Variants in DAG1 observed in about 807,000 individuals in gnomAD.
DAG1 encodes the protein dystroglycan 1 (dystrophin-associated glycoprotein 1).
A neutral mutation model predicts 46.1 loss-of-function variants in DAG1; 8 were observed. The ratio of observed to expected loss-of-function variants is 0.17; its 90% CI spans 0.10 to 0.31. The LOEUF (loss-of-function observed/expected upper bound fraction) is 0.31, where lower values mean the gene tolerates loss of function less well. Among genes scored for constraint, DAG1 ranks in the 10% least tolerant of loss-of-function variants. DAG1 has a pLI of 1.00. For missense variants in DAG1, 1,003 were observed against 1,189.9 expected (o/e 0.84, Z 2.31); for synonymous variants, 495 against 481.8 (o/e 1.03, Z -0.36).
Position 49,532,942 on chromosome 3 carries a change from C to T in DAG1, c.2431C>T (p.Pro811Ser), listed in dbSNP as rs368597067. Residue 811 changes from proline to serine, a missense_variant, in exon 3 of 3, where the codon CCC (proline) becomes TCC (serine). By Grantham distance (74) the Pro-to-Ser change is moderately conservative (BLOSUM62 -1). Around this residue, in one of 3 missense-constraint regions of DAG1, gnomAD observed 755 missense variants for 854.1 expected, o/e 0.88. Coordinates refer to ENST00000308775, the MANE Select transcript of DAG1 (RefSeq NM_004393.6). The surrounding 1 kb of genome is among the most constrained non-coding windows in gnomAD (Gnocchi z 5.4). ...CGAACTGGACGACTCCAAGCCCCCACCCTCCTCCAGCATGCCACTCATTCT... is the reference window on the plus strand; with the variant it reads ...CGAACTGGACGACTCCAAGCCCCCATCCTCCTCCAGCATGCCACTCATTCT... ...ADELDDSKPPPSSSMPLILQE... is the reference protein window; with the variant it reads ...ADELDDSKPPSSSSMPLILQE... 71 of 1,614,014 alleles carry T rather than the reference C, an allele frequency of 4.4e-5. No individual in the cohort carries two copies. Among genetic ancestry groups the T allele is most frequent in the Admixed American group, 2.2e-4 (13 of 60,010 alleles).
chr3:49,474,266 G>A (rs1370446590), intron 1 of DAG1, among the ~76,000 whole-genome samples: 1 of 152,030 alleles, frequency 6.6e-6, no homozygotes, highest in East Asian at 1.9e-4. Flanking sequence ...ATGTTAGCCA[G>A]GGTGGTCTCC....
intron 1 of DAG1, among the ~76,000 whole-genome samples, chr3:49,490,793 C>G (rs1320187437): frequency 6.6e-6 from 1 of 151,262 alleles, no homozygotes; most frequent in Non-Finnish European, 1.5e-5. Context: ...TGGTCTCAAA[C>G]TCATCAGTGC....
At chr3:49,516,819 G>A (rs554858219) in intron 2 of DAG1, among the ~76,000 whole-genome samples, 21 of 152,226 alleles carry the variant, frequency 1.4e-4, no homozygotes, top group Non-Finnish European at 2.8e-4. Flanking sequence ...TGGGGGTTCA[G>A]ATCTGGGTGC....
upstream of DAG1, chr3:49,470,120 AGCGGCCGACGCAGGCAGAAGCCGGCGGC>A (rs1440353529): frequency 4.6e-5 from 7 of 151,238 alleles, no homozygotes; most frequent in South Asian, 1.5e-3. Flanking sequence ...CGCGCTGCGG[AGCGGCCGACGCAGGCAGAAGCCGGCGGC>A]GCGCGGACAG....
Position 49,533,066 on chromosome 3 carries a change from C to T in DAG1, c.2555C>T (p.Pro852Leu), listed in dbSNP as rs764827670. 4 of 1,614,172 alleles carry T rather than the reference C, an allele frequency of 2.5e-6. No homozygotes were observed. The highest frequency in any genetic ancestry group is 3.4e-6 in the Non-Finnish European group (4 of 1,180,020). ...LNQDTMGEYT[P>L]LRDEDPNAPP... is the part of the protein sequence containing the mutation. ...CAGGACACCATGGGAGAGTACACGC[C>T]CCTGCGGGATGAGGATCCCAATGCG... The change falls in exon 3 of 3, where the codon CCC (proline) becomes CTC (leucine). Residue 852 changes from proline to leucine, a missense_variant. Transcript: ENST00000308775.
intron 1 of DAG1, among the ~76,000 whole-genome samples, chr3:49,501,505 A>G (rs976313895): frequency 2.0e-5 from 3 of 152,236 alleles, no homozygotes; most frequent in African/African-American, 7.2e-5. Context: ...GAGCTGAGCC[A>G]TTTACTAAAT....
rs565596627 is a variant in DAG1, at chr3:49,505,732, C to T, written c.-116-4687C>T. Among the ~76,000 whole-genome samples the T allele has an allele frequency of 5.8e-4, 88 of 152,026 alleles. 1 individual carries two copies. Among genetic ancestry groups the T allele is most frequent in the Middle Eastern group, 3.4e-3 (1 of 292 alleles). On this transcript the variant is annotated intron_variant, in intron 1 of 2. Coordinates refer to ENST00000308775, the MANE Select transcript of DAG1 (RefSeq NM_004393.6). ...TGTTGCCCAGGTTGGAGTGCAATGG[C>T]GCCATCTTGGCTCACCGCAACCTCC...
At chr3:49,469,283 G>C (rs1252491200), upstream of DAG1, among the ~76,000 whole-genome samples, 1 of 152,218 alleles carries the variant, frequency 6.6e-6, no homozygotes, top group Non-Finnish European at 1.5e-5. Flanking sequence ...GACCCATCCT[G>C]CGCATGGTGT....
chr3:49,496,259 A>G (rs920213795), intron 1 of DAG1, among the ~76,000 whole-genome samples: 2 of 151,568 alleles, frequency 1.3e-5, no homozygotes, highest in African/African-American at 4.9e-5. Flanking sequence ...GGCAGCCTCA[A>G]CCTCCCAGGC....
intron 1 of DAG1, among the ~76,000 whole-genome samples, chr3:49,479,032 C>T (rs767877210): frequency 1.3e-5 from 2 of 151,830 alleles, no homozygotes; most frequent in Non-Finnish European, 2.9e-5. Flanking sequence ...CCAGGCTGGT[C>T]TCCTGACCTT....
chr3:49,469,509 G>C (rs771735026), upstream of DAG1, among the ~76,000 whole-genome samples: 2 of 152,162 alleles, frequency 1.3e-5, no homozygotes, highest in African/African-American at 4.8e-5. Flanking sequence ...CAGGCCACTA[G>C]GAGTGAGTGA....
intron 1 of DAG1, among the ~76,000 whole-genome samples, chr3:49,490,806 G>C (rs891165164): frequency 6.7e-6 from 1 of 150,296 alleles, no homozygotes; most frequent in African/African-American, 2.4e-5. Flanking sequence ...ATCAGTGCAA[G>C]CTATCTGCCC....
chr3:49,532,599 A>G lies in DAG1; in HGVS notation c.2088A>G (p.Leu696=), dbSNP rs776596147. 3 of 1,613,048 alleles carry G rather than the reference A, an allele frequency of 1.9e-6. No homozygotes were observed. The East Asian group carries it at 6.7e-5, about 36-fold the overall frequency. Residue 696 remains leucine (L), a synonymous_variant, in exon 3 of 3, where the codon CTA becomes CTG. Coordinates refer to ENST00000308775, the MANE Select transcript of DAG1 (RefSeq NM_004393.6). The surrounding 1 kb of genome is among the most constrained non-coding windows in gnomAD (Gnocchi z 5.4). ...GKPRPAFSNA[L]EPDFKATSIT... ...CTCGGCCTGCCTTCTCCAACGCCCT[A>G]GAGCCTGACTTTAAGGCCACAAGCA... is the stretch of plus-strand genomic sequence containing the variant.
At chr3:49,517,432 TTGTCTGTTACCG>T (rs1283073200) in intron 2 of DAG1, among the ~76,000 whole-genome samples, 1 of 152,202 alleles carries the variant, frequency 6.6e-6, no homozygotes, top group African/African-American at 2.4e-5. Flanking sequence ...TCCCTCGTAG[TTGTCTGTTACCG>T]TGCCTCTGAC....
rs759228337 is a variant in DAG1, at chr3:49,532,937, C to A, written c.2426C>A (p.Pro809His). Residue 809 changes from proline to histidine, a missense_variant, in exon 3 of 3, where the codon CCC becomes CAC. Pro to His is a moderately conservative substitution (Grantham distance 77). Coordinates refer to ENST00000308775, the MANE Select transcript of DAG1 (RefSeq NM_004393.6). This position sits in a 1 kb window ranked among gnomAD's most constrained non-coding sequence, Gnocchi z 5.4. ...IFADELDDSKPPPSSSMPLIL... is the reference protein window; with the variant it reads ...IFADELDDSKHPPSSSMPLIL... ...GCAGACGAACTGGACGACTCCAAGC[C>A]CCCACCCTCCTCCAGCATGCCACTC... 4.4e-5 allele frequency: 71 copies of A among 1,614,106 alleles called. No homozygotes were observed. Among genetic ancestry groups the A allele is most frequent in the Non-Finnish European group, 5.9e-5 (70 of 1,180,026 alleles).
At chr3:49,474,810 G>GTTT (rs35680171) in intron 1 of DAG1, among the ~76,000 whole-genome samples, 9 of 139,576 alleles carry the variant, frequency 6.4e-5, no homozygotes, top group East Asian at 2.1e-4. Context: ...TAATTAATTA[G>GTTT]TTTTTTTTTT....
intron 1 of DAG1, among the ~76,000 whole-genome samples, chr3:49,508,009 C>T (rs899316204): frequency 6.6e-6 from 1 of 151,836 alleles, no homozygotes; most frequent in African/African-American, 2.4e-5. Context: ...GTGATATCTC[C>T]TGCTTCATTG....
chr3:49,484,901 A>T (rs952336376), intron 1 of DAG1, among the ~76,000 whole-genome samples: 3 of 151,996 alleles, frequency 2.0e-5, no homozygotes, highest in Non-Finnish European at 4.4e-5. Context: ...GGTTCAAGCA[A>T]TTCTCCTGCC....
intron 2 of DAG1, among the ~76,000 whole-genome samples, chr3:49,518,060 C>A (rs1214343484): frequency 1.3e-5 from 2 of 152,190 alleles, no homozygotes; most frequent in African/African-American, 2.4e-5. Context: ...CCCCAAGTAT[C>A]AGAGGAAGAA....
Sources: allele counts gnomAD v4.1 joint callset (sites outside exome capture counted in the v4.1 genomes callset), GRCh38; gene constraint gnomAD v4.1.1; regional missense constraint gnomAD v4.1.1; non-coding constraint Gnocchi (gnomAD v3.1); transcripts MANE v1.5; gene names NCBI Gene and HGNC (gene_info 2026-07-23, HGNC 2026-07-21).